PHACTR1: variants seen among roughly 807,000 people sequenced by gnomAD.
PHACTR1 encodes phosphatase and actin regulator 1.
Under a neutral mutation model 69.2 loss-of-function variants are expected in PHACTR1, and 16 were observed. The observed-to-expected ratio is 0.23, with a 90% CI of 0.16 to 0.35. PHACTR1 has a LOEUF of 0.35. Ranked by LOEUF, PHACTR1 falls within the 10% of genes least tolerant of loss-of-function variation. PHACTR1 has a pLI of 1.00. For synonymous variants in PHACTR1, 312 were observed against 284.5 expected, an observed-to-expected ratio of 1.10 and a Z score of -0.97; for missense variants, 510 against 734.7, an observed-to-expected ratio of 0.69 and a Z score of 3.54.
intron 4 of PHACTR1, among the ~76,000 whole-genome samples, chr6:13,003,965 G>GTATATATATATGTA (rs1798445112): frequency 1.0e-5 from 1 of 96,308 alleles, no homozygotes; most frequent in South Asian, 3.1e-4. Flanking sequence ...ATATATATAT[G>GTATATATATATGTA]TATATATATA....
chr6:13,078,004 A>G (rs1256366482), intron 5 of PHACTR1, among the ~76,000 whole-genome samples: 2 of 152,198 alleles, frequency 1.3e-5, no homozygotes, highest in Admixed American at 1.3e-4. Context: ...ACTCATGGCC[A>G]AAGAGGATCC....
chr6:13,036,129 C>T (rs949289022), intron 4 of PHACTR1, among the ~76,000 whole-genome samples: 4 of 142,254 alleles, frequency 2.8e-5, no homozygotes, highest in South Asian at 2.3e-4. Context: ...AATCCACCCC[C>T]GCATTCCAAA....
intron 4 of PHACTR1, among the ~76,000 whole-genome samples, chr6:12,818,445 A>C (rs893828519): frequency 6.6e-6 from 1 of 152,172 alleles, no homozygotes; most frequent in African/African-American, 2.4e-5. Flanking sequence ...ACAGAGGGCA[A>C]ACTCCAGTAG....
rs1039803551 is a variant in PHACTR1 at position 13,229,906 on chromosome 6, G to A, written c.1235-131G>A. Reference sequence around the variant, plus strand: ...AATGGCAGGAACTCTAGGAACTGAGGCATTAACCACTTTCAGGTGTTAAAA... The same window carrying A: ...AATGGCAGGAACTCTAGGAACTGAGACATTAACCACTTTCAGGTGTTAAAA... On this transcript the variant is annotated intron_variant, in intron 9 of 14. Transcript: ENST00000332995. 5.6e-6 allele frequency: 6 copies of A among 1,062,992 alleles called. No individual in the cohort carries two copies. In the African/African-American group the frequency reaches 6.5e-5, roughly 11 times the overall value. The allele number at this position is 1,062,992 out of a possible 1,614,324, so 65.8% of individuals were successfully genotyped here.
chr6:13,047,140 G>A (rs1805186041), intron 4 of PHACTR1, among the ~76,000 whole-genome samples: 1 of 152,134 alleles, frequency 6.6e-6, no homozygotes. Flanking sequence ...CACTTTGGGA[G>A]GCCAAGGTGG....
intron 5 of PHACTR1, among the ~76,000 whole-genome samples, chr6:13,055,713 C>A (rs1169830866): frequency 1.3e-5 from 2 of 152,236 alleles, no homozygotes; most frequent in East Asian, 3.8e-4. Context: ...CAAGGCAAAG[C>A]CCTGAGGCTT....
intron 4 of PHACTR1, among the ~76,000 whole-genome samples, chr6:13,006,347 C>G (rs1417439523): frequency 1.3e-5 from 2 of 152,190 alleles, no homozygotes; most frequent in African/African-American, 4.8e-5. Flanking sequence ...TGAAGAAAAA[C>G]TACCTAGCCG....
chr6:12,977,950 T>C (rs1247157912), intron 4 of PHACTR1, among the ~76,000 whole-genome samples: 1 of 152,210 alleles, frequency 6.6e-6, no homozygotes, highest in African/African-American at 2.4e-5. Flanking sequence ...AAATATCTGA[T>C]TTTGAAAATT....
At chr6:12,751,310 TG>T (rs1373547815) in intron 4 of PHACTR1, among the ~76,000 whole-genome samples, 2 of 152,226 alleles carry the variant, frequency 1.3e-5, no homozygotes, top group East Asian at 1.9e-4. Context: ...GCATTTTCTA[TG>T]GCATGCTGTA....
At chr6:12,891,069 T>C (rs7750679) in intron 4 of PHACTR1, among the ~76,000 whole-genome samples, 92,528 of 152,002 alleles carry the variant, frequency 0.61, 28,728 homozygotes, top group East Asian at 0.92. Context: ...TTTTGTAGGT[T>C]GCTAGGCTAC....
At position 13,151,639 on chromosome 6, in the gene PHACTR1, G is replaced by C. The variant is rs534428738; in HGVS notation, c.416-8565G>C. On this transcript the variant is annotated intron_variant, in intron 5 of 14. Transcript: ENST00000332995. ...TGAAATGGCATGCAGTACTCAAAAA[G>C]AATGAGGTGGGAAGAGCTATGGAAC... Among the ~76,000 whole-genome samples, 21 of 152,308 alleles carry C rather than the reference G, an allele frequency of 1.4e-4. No individual in the cohort carries two copies. In the South Asian group the frequency reaches 3.9e-3, roughly 29 times the overall value.
chr6:12,991,480 C>G (rs567054248), intron 4 of PHACTR1, among the ~76,000 whole-genome samples: 1 of 152,102 alleles, frequency 6.6e-6, no homozygotes. Flanking sequence ...CTAAAGAGGC[C>G]GGCAATACAG....
chr6:12,945,009 C>T (rs552284298), intron 4 of PHACTR1, among the ~76,000 whole-genome samples: 2 of 152,136 alleles, frequency 1.3e-5, no homozygotes, highest in South Asian at 4.2e-4. Flanking sequence ...GTCTCGATCT[C>T]CTGACCTCAT....
At chr6:12,788,987 G>T (rs73360048) in intron 4 of PHACTR1, among the ~76,000 whole-genome samples, 7,346 of 152,268 alleles carry the variant, frequency 0.048, 588 homozygotes, top group African/African-American at 0.17. Flanking sequence ...ATCATTCCAG[G>T]AGAAATGAAT....
chr6:13,270,599 TG>T (rs1777505943), intron 10 of PHACTR1, among the ~76,000 whole-genome samples: 1 of 152,220 alleles, frequency 6.6e-6, no homozygotes, highest in Non-Finnish European at 1.5e-5. Context: ...AAGATAAATA[TG>T]TTTTATATTA....
chr6:12,961,220 A>G (rs990872854), intron 4 of PHACTR1, among the ~76,000 whole-genome samples: 2 of 152,214 alleles, frequency 1.3e-5, no homozygotes, highest in African/African-American at 2.4e-5. Flanking sequence ...CAAAGATAAC[A>G]CAAATGTCTA....
At chr6:13,116,720 G>A (rs1435273060) in intron 5 of PHACTR1, among the ~76,000 whole-genome samples, 2 of 152,138 alleles carry the variant, frequency 1.3e-5, no homozygotes, top group African/African-American at 4.8e-5. Context: ...TTAAATTATT[G>A]TTTAATGACT....
At chr6:13,233,831 T>A (rs1771592904) in intron 10 of PHACTR1, among the ~76,000 whole-genome samples, 1 of 152,186 alleles carries the variant, frequency 6.6e-6, no homozygotes, top group Non-Finnish European at 1.5e-5. Context: ...TTCAAGCCAT[T>A]GAGATGGCCT....
chr6:12,978,682 G>A (rs1032687395), intron 4 of PHACTR1, among the ~76,000 whole-genome samples: 2 of 152,298 alleles, frequency 1.3e-5, no homozygotes, highest in Non-Finnish European at 2.9e-5. Context: ...ATTTGTATTT[G>A]CAGTGCCTGC....
Sources: allele counts gnomAD v4.1 joint callset (sites outside exome capture counted in the v4.1 genomes callset), GRCh38; gene constraint gnomAD v4.1.1; transcripts MANE v1.5; gene names NCBI Gene and HGNC (gene_info 2026-07-23, HGNC 2026-07-21).